The following PTPRJ variants were observed in gnomAD, a reference collection of about 807,000 sequenced individuals.
PTPRJ encodes the protein receptor-type tyrosine-protein phosphatase eta.
Under a neutral mutation model 141.3 loss-of-function variants are expected in PTPRJ, and 129 were observed. The observed-to-expected ratio is 0.91, with a 90% CI of 0.79 to 1.06. The LOEUF (loss-of-function observed/expected upper bound fraction) is 1.06, where lower values mean the gene tolerates loss of function less well. PTPRJ is among the 50% of genes least tolerant of loss of function. The pLI is 0.00. For missense variants in PTPRJ, 1,601 were observed against 1,679.7 expected, an observed-to-expected ratio of 0.95 and a Z score of 0.82; for synonymous variants, 610 against 640.5, an observed-to-expected ratio of 0.95 and a Z score of 0.72.
intron 1 of PTPRJ, among the ~76,000 whole-genome samples, chr11:48,101,183 G>A (rs865813321): frequency 9.9e-5 from 15 of 152,188 alleles, no homozygotes; most frequent in Non-Finnish European, 5.9e-5. Context: ...CTTGCAGAGC[G>A]GATGGTAACT....
chr11:48,024,126 A>G, intron 1 of PTPRJ, among the ~76,000 whole-genome samples: 1 of 151,990 alleles, frequency 6.6e-6, no homozygotes, highest in South Asian at 2.1e-4. Context: ...TTAATCTCTA[A>G]GGTTCCATGT....
intron 1 of PTPRJ, among the ~76,000 whole-genome samples, chr11:48,092,294 C>CA (rs3971621): frequency 0.11 from 4,983 of 46,676 alleles, 388 homozygotes; most frequent in Middle Eastern, 0.15. Flanking sequence ...GATTTCATCT[C>CA]AAAAAAAAAA....
chr11:48,165,642 T>C (rs1384113513), intron 24 of PTPRJ, among the ~76,000 whole-genome samples: 1 of 152,124 alleles, frequency 6.6e-6, no homozygotes, highest in African/African-American at 2.4e-5. Flanking sequence ...TGGGGTGAGC[T>C]TGGTGGTTGT....
At chr11:48,032,290 A>G (rs964641872) in intron 1 of PTPRJ, among the ~76,000 whole-genome samples, 2 of 152,164 alleles carry the variant, frequency 1.3e-5, no homozygotes, top group Non-Finnish European at 2.9e-5. Flanking sequence ...CACAACATCA[A>G]TGGGGGAAGG....
intron 1 of PTPRJ, among the ~76,000 whole-genome samples, chr11:48,039,996 G>A (rs939709942): frequency 2.6e-5 from 4 of 152,092 alleles, no homozygotes; most frequent in African/African-American, 2.4e-5. Flanking sequence ...ACCATGTTGG[G>A]CAGGCTGGTC....
chr11:48,075,753 C>A (rs767362730), intron 1 of PTPRJ, among the ~76,000 whole-genome samples: 6 of 152,178 alleles, frequency 3.9e-5, no homozygotes, highest in Non-Finnish European at 7.3e-5. Flanking sequence ...TCTTAACGTC[C>A]TTCCCAGATG....
At chr11:48,087,917 G>T (rs927698042) in intron 1 of PTPRJ, among the ~76,000 whole-genome samples, 3 of 152,172 alleles carry the variant, frequency 2.0e-5, no homozygotes, top group African/African-American at 2.4e-5. Flanking sequence ...AGCCAGAAGG[G>T]CTTTGTTTTC....
chr11:48,140,861 T>C (rs1857215574), intron 11 of PTPRJ, among the ~76,000 whole-genome samples: 1 of 152,282 alleles, frequency 6.6e-6, no homozygotes, highest in Non-Finnish European at 1.5e-5. Context: ...TCTTTTGTAC[T>C]AAGTCTTTGA....
In PTPRJ at chr11:48,136,224, T is replaced by G. The variant is rs766681364; in HGVS notation, c.1801T>G (p.Leu601Val). 6.2e-7 allele frequency: 1 copy of G among 1,614,208 alleles called. No individual in the cohort carries two copies. The stretch of plus-strand genomic sequence containing the variant: ...TCTCCAGGGCCTGATTCCGGGCACC[T>G]TATATAACATCACCATCTCTCCAGA... ...ITLQGLIPGTLYNITISPEVD... is the reference protein window; with the variant it reads ...ITLQGLIPGTVYNITISPEVD... Residue 601 changes from leucine to valine, a missense_variant, in exon 9 of 25, where the codon TTA becomes GTA. By Grantham distance (32) the Leu-to-Val change is conservative (BLOSUM62 1). Coordinates refer to ENST00000418331, the MANE Select transcript of PTPRJ (RefSeq NM_002843.4).
At chr11:47,991,983 T>G (rs1382677854) in intron 1 of PTPRJ, among the ~76,000 whole-genome samples, 1 of 152,192 alleles carries the variant, frequency 6.6e-6, no homozygotes, top group Admixed American at 6.5e-5. Flanking sequence ...TTTTTTAATC[T>G]TATACTGTAG....
At chr11:48,062,889 G>A (rs543930052) in intron 1 of PTPRJ, among the ~76,000 whole-genome samples, 53 of 152,236 alleles carry the variant, frequency 3.5e-4, no homozygotes, top group Non-Finnish European at 6.9e-4. Context: ...AGAGGCAGGG[G>A]CAGTAGAGTT....
intron 2 of PTPRJ, among the ~76,000 whole-genome samples, chr11:48,110,426 T>C (rs1423997615): frequency 6.6e-6 from 1 of 152,162 alleles, no homozygotes; most frequent in African/African-American, 2.4e-5. Flanking sequence ...CTTGAACTCC[T>C]GACCTCAGGT....
chr11:48,130,462 CT>C lies in PTPRJ; in HGVS notation c.1362del (p.Val455PhefsTer8), dbSNP rs1316316760. ...GTTGTTTACTTTCTTTGCATAGCCC[CT>C]GTTCCAGTTTCTGACTTCCGAGTGA... is the stretch of plus-strand genomic sequence containing the variant. ...TPGFLQVHTPPVPVSDFRVTV... is the reference protein window; with the variant it reads ...TPGFLQVHTPXVPVSDFRVTV... On this transcript the variant is annotated frameshift_variant, in exon 8 of 25. Coordinates refer to ENST00000418331, the MANE Select transcript of PTPRJ (RefSeq NM_002843.4). LOFTEE classifies it high-confidence loss of function. 6.2e-7 allele frequency: 1 copy of C among 1,610,420 alleles called. No homozygotes were observed. The highest frequency in any genetic ancestry group is 2.2e-5 in the East Asian group (1 of 44,658).
At chr11:48,041,993 TG>T (rs1025667651) in intron 1 of PTPRJ, among the ~76,000 whole-genome samples, 2 of 54,392 alleles carry the variant, frequency 3.7e-5, no homozygotes, top group Admixed American at 2.4e-4. Context: ...GGGGGGTGGG[TG>T]GGGGGTGGAG....
At chr11:48,132,536 A>T (rs1421509624) in intron 8 of PTPRJ, 3 of 981,534 alleles carry the variant, frequency 3.1e-6, no homozygotes, top group Non-Finnish European at 3.6e-6. Flanking sequence ...TTGATCTAAG[A>T]TTCAAGATAG....
In PTPRJ at chr11:48,142,912, G is replaced by C. The variant is rs367638899; in HGVS notation, c.2444-7G>C. 81 of 1,611,542 alleles carry C rather than the reference G, an allele frequency of 5.0e-5. No homozygotes were observed. The African/African-American group carries it at 1.0e-3, about 20-fold the overall frequency. On this transcript the variant is annotated splice_region_variant and splice_polypyrimidine_tract_variant and intron_variant, in intron 11 of 24. Coordinates refer to ENST00000418331, the MANE Select transcript of PTPRJ (RefSeq NM_002843.4). Reference sequence around the variant, plus strand: ...GGGTGATCATGTTTTGTTTTGTTTTGTTTTAGATCCCCCTCCTCCAGATGG... The same window carrying C: ...GGGTGATCATGTTTTGTTTTGTTTTCTTTTAGATCCCCCTCCTCCAGATGG...
chr11:48,158,801 A>G lies in PTPRJ; in HGVS notation c.3439-1129A>G, dbSNP rs1231417785. On this transcript the variant is annotated intron_variant, in intron 21 of 24. Coordinates refer to ENST00000418331, the MANE Select transcript of PTPRJ (RefSeq NM_002843.4). This position sits in a 1 kb window ranked among gnomAD's most constrained non-coding sequence, Gnocchi z 4.4. ...AGACCCCCATCTCTACAAAAATACAAAATAGCTGGGTGTGGTGGCACGTCT... is the reference window on the plus strand; with the variant it reads ...AGACCCCCATCTCTACAAAAATACAGAATAGCTGGGTGTGGTGGCACGTCT... 3.3e-5 allele frequency among the ~76,000 whole-genome samples: 5 copies of G among 152,116 alleles called. No individual in the cohort carries two copies. Among genetic ancestry groups the G allele is most frequent in the Non-Finnish European group, 4.4e-5 (3 of 68,018 alleles).
intron 1 of PTPRJ, among the ~76,000 whole-genome samples, chr11:48,023,783 A>AAAAT (rs151301730): frequency 0.066 from 9,898 of 149,140 alleles, 397 homozygotes; most frequent in African/African-American, 0.098. Flanking sequence ...CTCGGACTCA[A>AAAAT]AAATAAATAA....
At position 48,094,009 on chromosome 11, in the gene PTPRJ, C is replaced by T. The variant is rs571731305; in HGVS notation, c.97-16049C>T. ...GCAGGTGTTGAATGAGCTCAGTTCC[C>T]TCCCAGCCCTTCTTTTTCCCTGGTG... On this transcript the variant is annotated intron_variant, in intron 1 of 24. Transcript: ENST00000418331. Among the ~76,000 whole-genome samples the T allele has an allele frequency of 1.2e-4, 19 of 152,338 alleles. 1 individual carries two copies. The South Asian group carries it at 3.9e-3, about 32-fold the overall frequency.
Sources: gnomAD v4.1 joint callset for allele counts (sites outside exome capture counted in the v4.1 genomes callset) on GRCh38, gnomAD v4.1.1 for gene constraint, Gnocchi (gnomAD v3.1) non-coding constraint, MANE v1.5 for transcripts, NCBI Gene and HGNC (gene_info 2026-07-23, HGNC 2026-07-21) for gene names.